The following RNF216 variants were observed in gnomAD, a reference collection of about 807,000 sequenced individuals.
RNF216 encodes the protein E3 ubiquitin-protein ligase RNF216.
Under a neutral mutation model 110.8 loss-of-function variants are expected in RNF216, and 72 were observed. The ratio of observed to expected loss-of-function variants is 0.65; its 90% CI spans 0.54 to 0.79. The LOEUF (loss-of-function observed/expected upper bound fraction) is 0.79, where lower values mean the gene tolerates loss of function less well. Ranked by LOEUF, RNF216 falls within the 30% of genes least tolerant of loss-of-function variation. RNF216 has a pLI of 0.00. For synonymous variants in RNF216, 495 were observed against 407.5 expected, an observed-to-expected ratio of 1.21 and a Z score of -2.59; for missense variants, 1,342 against 1,141.2, an observed-to-expected ratio of 1.18 and a Z score of -2.54.
Position 5,741,757 on chromosome 7 carries a change from T to C in RNF216, c.260A>G (p.Asp87Gly). 6.2e-7 allele frequency: 1 copy of C among 1,614,214 alleles called. No individual in the cohort carries two copies. The highest frequency in any genetic ancestry group is 1.3e-5 in the African/African-American group (1 of 75,052). Residue 87 changes from aspartate to glycine, a missense_variant, in exon 4 of 17, where the codon GAT becomes GGT. By Grantham distance (94) the Asp-to-Gly change is moderately conservative. Transcript: ENST00000389902. ...CCTTTCTTCTCCCAACCTTTTCAGA[T>C]CTTGCCACTGGGCAGCTGGTTTGAT... ...NLIKPAAQWQ[D>G]LKRLGEERPK...
intron 13 of RNF216, among the ~76,000 whole-genome samples, chr7:5,654,121 T>C (rs1326365516): frequency 6.6e-6 from 1 of 151,636 alleles, no homozygotes; most frequent in African/African-American, 2.4e-5. Flanking sequence ...AGACAGAAGC[T>C]AGTAAAGCCA....
At chr7:5,726,134 T>C (rs1053546460) in intron 7 of RNF216, among the ~76,000 whole-genome samples, 1 of 151,860 alleles carries the variant, frequency 6.6e-6, no homozygotes, top group Non-Finnish European at 1.5e-5. Context: ...AAAAAATAGC[T>C]GGGCGTGGTG....
intron 15 of RNF216, among the ~76,000 whole-genome samples, chr7:5,627,242 T>G (rs1319713634): frequency 6.6e-6 from 1 of 152,178 alleles, no homozygotes; most frequent in African/African-American, 2.4e-5. Flanking sequence ...TCAATGGTCC[T>G]CCTGGAGGAA....
rs1384244109 is a variant in RNF216 at position 5,752,816 on chromosome 7, T to C, written c.201+30A>G. 9 of 1,602,806 alleles carry C rather than the reference T, an allele frequency of 5.6e-6. No homozygotes were observed. The Middle Eastern group carries it at 9.2e-4, about 164-fold the overall frequency. ...AAATCAGATCACCAACTTGCAATAA[T>C]GTCTCATTGTAAGTTTAAAGAAAAC... On this transcript the variant is annotated intron_variant, in intron 3 of 16. Coordinates refer to ENST00000389902, the MANE Select transcript of RNF216 (RefSeq NM_207111.4).
chr7:5,622,723 G>A lies in RNF216; in HGVS notation c.*137C>T, dbSNP rs1229390780. The A allele has an allele frequency of 9.9e-6, 8 of 811,688 alleles. No homozygotes were observed. In the Admixed American group the frequency reaches 1.7e-4, roughly 17 times the overall value. The allele number at this position is 811,688 out of a possible 1,614,324, so 50.3% of individuals were successfully genotyped here. On this transcript the variant is annotated 3_prime_UTR_variant, in exon 17 of 17. Coordinates refer to ENST00000389902, the MANE Select transcript of RNF216 (RefSeq NM_207111.4). ...CAGGAGCAGTAGCCCTTCTAGGAAA[G>A]GGGTGGGAAGAAAACCAGCCTACCC...
chr7:5,662,471 T>A (rs1411234083), intron 13 of RNF216: 1 of 152,164 alleles, frequency 6.6e-6, no homozygotes, highest in Non-Finnish European at 1.5e-5. Flanking sequence ...GCATTAAGAT[T>A]TGGTAATGGC....
At chr7:5,727,682 T>C (rs1793843402) in intron 7 of RNF216, among the ~76,000 whole-genome samples, 1 of 152,062 alleles carries the variant, frequency 6.6e-6, no homozygotes, top group African/African-American at 2.4e-5. Context: ...TAAGCCACGA[T>C]TGGGCCACTG....
At chr7:5,747,965 C>T (rs1489615980) in intron 3 of RNF216, among the ~76,000 whole-genome samples, 1 of 151,762 alleles carries the variant, frequency 6.6e-6, no homozygotes, top group African/African-American at 2.4e-5. Context: ...GTTAAGGAAA[C>T]AAAAATCACC....
chr7:5,630,327 AC>A (rs1786993699), intron 15 of RNF216, among the ~76,000 whole-genome samples: 1 of 151,966 alleles, frequency 6.6e-6, no homozygotes, highest in Non-Finnish European at 1.5e-5. Flanking sequence ...CCACTACCTA[AC>A]CTGGAACCCA....
chr7:5,755,070 C>T (rs1461645767), intron 2 of RNF216, among the ~76,000 whole-genome samples: 1 of 120,058 alleles, frequency 8.3e-6, no homozygotes, highest in Non-Finnish European at 1.7e-5. Context: ...AGGGAGGGAA[C>T]TGAAGGAAAG....
At chr7:5,627,454 T>C (rs1475840982) in intron 15 of RNF216, among the ~76,000 whole-genome samples, 7 of 152,084 alleles carry the variant, frequency 4.6e-5, no homozygotes, top group Non-Finnish European at 8.8e-5. Flanking sequence ...GGCAATTTCA[T>C]AGCATTAAAG....
intron 1 of RNF216, among the ~76,000 whole-genome samples, chr7:5,772,129 A>T (rs558050955): frequency 4.4e-4 from 67 of 152,208 alleles, no homozygotes; most frequent in Middle Eastern, 3.4e-3. Flanking sequence ...GCTACTCAGG[A>T]CGCTGAGGCA....
chr7:5,716,647 G>T, intron 10 of RNF216, 69 bp downstream of exon 10: 1 of 1,326,624 alleles, frequency 7.5e-7, no homozygotes, highest in South Asian at 1.3e-5. Flanking sequence ...CAAAAATGCT[G>T]ACAAAACATG....
chr7:5,654,347 G>C (rs1194362097), intron 13 of RNF216, among the ~76,000 whole-genome samples: 2 of 151,962 alleles, frequency 1.3e-5, no homozygotes, highest in African/African-American at 4.8e-5. Context: ...AATGCTGAGG[G>C]AGCTGAGAAC....
At chr7:5,631,370 A>T (rs1379870697) in intron 15 of RNF216, among the ~76,000 whole-genome samples, 1 of 152,170 alleles carries the variant, frequency 6.6e-6, no homozygotes, top group Non-Finnish European at 1.5e-5. Context: ...GGGAAAGCTC[A>T]TAACCCTCAT....
At chr7:5,656,626 A>G (rs1289892819) in intron 13 of RNF216, among the ~76,000 whole-genome samples, 1 of 152,192 alleles carries the variant, frequency 6.6e-6, no homozygotes, top group African/African-American at 2.4e-5. Context: ...CACGTTCTTC[A>G]CGTCATCATG....
chr7:5,704,470 TAA>T (rs1404591457), intron 13 of RNF216, among the ~76,000 whole-genome samples: 4 of 152,194 alleles, frequency 2.6e-5, no homozygotes, highest in African/African-American at 7.2e-5. Context: ...CTGAGAAAGG[TAA>T]AAGCGTATGC....
At chr7:5,715,893 C>T (rs1446343274) in intron 10 of RNF216, among the ~76,000 whole-genome samples, 1 of 152,026 alleles carries the variant, frequency 6.6e-6, no homozygotes, top group Non-Finnish European at 1.5e-5. Context: ...AGGCACCCGC[C>T]ACTATGCCCA....
intron 13 of RNF216, among the ~76,000 whole-genome samples, chr7:5,709,337 C>T (rs2128627174): frequency 6.6e-6 from 1 of 152,346 alleles, no homozygotes; most frequent in Admixed American, 6.5e-5. Context: ...TGGTGCTGTG[C>T]CAGGGGGAGG....
Sources: allele counts gnomAD v4.1 joint callset (sites outside exome capture counted in the v4.1 genomes callset), GRCh38; gene constraint gnomAD v4.1.1; transcripts MANE v1.5; gene names NCBI Gene and HGNC (gene_info 2026-07-23, HGNC 2026-07-21).